Variants in SOX6 observed in about 807,000 individuals in gnomAD.
The protein encoded by SOX6 is SRY-box transcription factor 6, also known as transcription factor SOX-6.
Under a neutral mutation model 97.8 loss-of-function variants are expected in SOX6, and 11 were observed. That is an observed-to-expected ratio of 0.11 (90% CI 0.07 to 0.19). The LOEUF is 0.19. Ranked by LOEUF, SOX6 falls within the 10% of genes least tolerant of loss-of-function variation. The pLI is 1.00. For synonymous variants in SOX6, 360 were observed against 371.4 expected (o/e 0.97, Z 0.35); for missense variants, 810 against 1,039.5 (o/e 0.78, Z 3.04).
chr11:16,339,933 G>A (rs1221957003), intron 2 of SOX6, among the ~76,000 whole-genome samples: 6 of 151,918 alleles, frequency 3.9e-5, no homozygotes, highest in South Asian at 2.1e-4. Context: ...CCAGTGGATC[G>A]AATTGTACAA....
chr11:16,366,161 A>G (rs1857354331), intron 1 of SOX6, among the ~76,000 whole-genome samples: 1 of 152,150 alleles, frequency 6.6e-6, no homozygotes, highest in Non-Finnish European at 1.5e-5. Flanking sequence ...AGTACTAGGC[A>G]TAGGGCCCAG....
At chr11:16,697,931 C>T (rs560184993) in intron 3 of SOX6, among the ~76,000 whole-genome samples, 3 of 152,200 alleles carry the variant, frequency 2.0e-5, no homozygotes, top group Non-Finnish European at 4.4e-5. Context: ...AATGTGCTGT[C>T]ATCCAGGCTT....
chr11:16,562,259 A>G (rs1230391625), intron 4 of SOX6, among the ~76,000 whole-genome samples: 1 of 152,180 alleles, frequency 6.6e-6, no homozygotes, highest in Non-Finnish European at 1.5e-5. Context: ...GAGGACTCTA[A>G]AAAGTGGAAA....
chr11:16,651,800 A>G (rs1847657591), intron 3 of SOX6, among the ~76,000 whole-genome samples: 1 of 152,200 alleles, frequency 6.6e-6, no homozygotes, highest in Non-Finnish European at 1.5e-5. Flanking sequence ...AAAGAAATAA[A>G]GGGCATCCAA....
At chr11:16,320,101 C>T (rs1855871325) in intron 2 of SOX6, among the ~76,000 whole-genome samples, 1 of 152,070 alleles carries the variant, frequency 6.6e-6, no homozygotes, top group African/African-American at 2.4e-5. Context: ...GGGTTGGAAA[C>T]AGCTATTATT....
intron 6 of SOX6, among the ~76,000 whole-genome samples, chr11:16,177,081 A>G (rs760369117): frequency 3.9e-5 from 6 of 151,946 alleles, no homozygotes; most frequent in Admixed American, 6.6e-5. Context: ...CTATTGAAAA[A>G]CAAAGAAAGC....
At chr11:16,116,998 G>C (rs1462147997) in intron 6 of SOX6, among the ~76,000 whole-genome samples, 1 of 152,136 alleles carries the variant, frequency 6.6e-6, no homozygotes, top group African/African-American at 2.4e-5. Context: ...ACTGGTACCT[G>C]GTGCCAAAAA....
intron 1 of SOX6, among the ~76,000 whole-genome samples, chr11:16,401,709 T>C (rs1295923560): frequency 1.3e-5 from 2 of 151,490 alleles, no homozygotes. Flanking sequence ...CTATGAGGTA[T>C]CTATAATAAA....
chr11:15,991,930 C>T (rs16932409), intron 13 of SOX6, among the ~76,000 whole-genome samples: 14,107 of 152,090 alleles, frequency 0.093, 1,360 homozygotes, highest in East Asian at 0.36. Flanking sequence ...CAGTTTCTAC[C>T]TTTTTCTGAG....
intron 1 of SOX6, among the ~76,000 whole-genome samples, chr11:16,405,333 A>T (rs1858661842): frequency 6.6e-6 from 1 of 151,988 alleles, no homozygotes; most frequent in Non-Finnish European, 1.5e-5. Context: ...GGAAAAGAAG[A>T]CTAAATGCTA....
At chr11:16,435,641 A>G (rs1442588343) in intron 1 of SOX6, among the ~76,000 whole-genome samples, 1 of 152,090 alleles carries the variant, frequency 6.6e-6, no homozygotes, top group Non-Finnish European at 1.5e-5. Context: ...GTGAGACAAT[A>G]CATTTCTGTT....
intron 6 of SOX6, among the ~76,000 whole-genome samples, chr11:16,154,221 G>A (rs906524072): frequency 1.3e-5 from 2 of 151,940 alleles, no homozygotes; most frequent in African/African-American, 4.8e-5. Flanking sequence ...GCCGTAATCA[G>A]GATCCTAACT....
intron 3 of SOX6, among the ~76,000 whole-genome samples, chr11:16,651,057 C>A (rs1847643499): frequency 6.6e-6 from 1 of 151,860 alleles, no homozygotes; most frequent in Admixed American, 6.6e-5. Flanking sequence ...ATATACAACC[C>A]TCCTAGATTA....
intron 4 of SOX6, among the ~76,000 whole-genome samples, chr11:16,554,868 A>G (rs536235553): frequency 2.9e-4 from 44 of 152,044 alleles, no homozygotes; most frequent in Non-Finnish European, 5.4e-4. Flanking sequence ...AAAGTCAGCA[A>G]TTGTGTGATC....
At chr11:16,201,179 C>G (rs1358255807) in intron 4 of SOX6, among the ~76,000 whole-genome samples, 1 of 151,298 alleles carries the variant, frequency 6.6e-6, no homozygotes. Flanking sequence ...AATACATCAT[C>G]CAACCTACGA....
chr11:16,143,178 T>G (rs370952824), intron 6 of SOX6, among the ~76,000 whole-genome samples: 7 of 152,088 alleles, frequency 4.6e-5, no homozygotes, highest in Admixed American at 2.0e-4. Flanking sequence ...CAAGCCAGAA[T>G]AGAGTGGGGG....
At chr11:16,146,935 G>C (rs1270968461) in intron 6 of SOX6, among the ~76,000 whole-genome samples, 1 of 152,206 alleles carries the variant, frequency 6.6e-6, no homozygotes, top group Non-Finnish European at 1.5e-5. Context: ...CATTGTGGAA[G>C]ACAGTGCGGC....
chr11:16,614,578 T>C (rs1038633437), intron 3 of SOX6, among the ~76,000 whole-genome samples: 1 of 152,196 alleles, frequency 6.6e-6, no homozygotes, highest in African/African-American at 2.4e-5. Flanking sequence ...CCTTTTTCGC[T>C]CACCGTTCTT....
rs1853258795 is a variant in SOX6 at position 15,970,123 on chromosome 11, T to C, written c.*2686A>G. 1 of 152,318 alleles carries C rather than the reference T, an allele frequency of 6.6e-6. No homozygotes were observed. The highest frequency in any genetic ancestry group is 2.4e-5 in the African/African-American group (1 of 41,474). 9.4% of individuals were successfully genotyped at this position (152,318 alleles called of 1,614,324 possible). ...CACACGAGTCGAAACAGATGACTTT[T>C]GTTCATGTAGTTTTCGTACAACAGT... On this transcript the variant is annotated 3_prime_UTR_variant, in exon 16 of 16. Coordinates refer to ENST00000683767, the MANE Select transcript of SOX6 (RefSeq NM_001367873.1).
Sources: gnomAD v4.1 joint callset for allele counts (sites outside exome capture counted in the v4.1 genomes callset) on GRCh38, gnomAD v4.1.1 for gene constraint, MANE v1.5 for transcripts, NCBI Gene and HGNC (gene_info 2026-07-23, HGNC 2026-07-21) for gene names.